The following COL25A1 variants were observed in gnomAD, a reference collection of about 807,000 sequenced individuals.
COL25A1 encodes collagen alpha-1(XXV) chain.
In COL25A1, 103 loss-of-function variants were observed where a neutral mutation model predicts 128.4. That is an observed-to-expected ratio of 0.80 (90% CI 0.68 to 0.94). The LOEUF is 0.94. Ranked by LOEUF, COL25A1 falls within the 40% of genes least tolerant of loss-of-function variation. The pLI is 0.00. For synonymous variants in COL25A1, 279 were observed against 277.2 expected, an observed-to-expected ratio of 1.01 and a Z score of -0.06; for missense variants, 745 against 840.0, an observed-to-expected ratio of 0.89 and a Z score of 1.40.
chr4:109,010,325 T>A (rs1470945225), intron 6 of COL25A1, 33 bp downstream of exon 6: 1 of 1,547,484 alleles, frequency 6.5e-7, no homozygotes, highest in Non-Finnish European at 8.8e-7. Flanking sequence ...AATCCTAAAT[T>A]GAAAATAATT....
At chr4:108,823,795 G>A in intron 35 of COL25A1, 2 of 575,772 alleles carry the variant, frequency 3.5e-6, no homozygotes, top group Non-Finnish European at 5.0e-6. Flanking sequence ...AGACAAGTGA[G>A]ATGCTGCCTT....
At chr4:109,286,556 T>C (rs2126280347) in intron 3 of COL25A1, among the ~76,000 whole-genome samples, 1 of 152,232 alleles carries the variant, frequency 6.6e-6, no homozygotes, top group East Asian at 1.9e-4. Context: ...TGGGAATAAG[T>C]AAAGAATGAT....
intron 13 of COL25A1, among the ~76,000 whole-genome samples, chr4:108,908,234 C>T (rs577576612): frequency 1.5e-4 from 23 of 152,298 alleles, no homozygotes; most frequent in African/African-American, 5.5e-4. Flanking sequence ...TTCCTCTCTG[C>T]AGGCATTTTG....
intron 3 of COL25A1, among the ~76,000 whole-genome samples, chr4:109,056,350 A>C (rs1034800237): frequency 6.6e-6 from 1 of 152,198 alleles, no homozygotes; most frequent in African/African-American, 2.4e-5. Flanking sequence ...TAATCAGAGC[A>C]ACATAATTTT....
chr4:108,897,720 CAA>C (rs1254151290), intron 15 of COL25A1, among the ~76,000 whole-genome samples: 2 of 152,154 alleles, frequency 1.3e-5, no homozygotes, highest in African/African-American at 2.4e-5. Context: ...TTCTATTACT[CAA>C]AAAGTTTCTT....
At position 108,990,597 on chromosome 4, in the gene COL25A1, G is replaced by A. The variant is rs560667580; in HGVS notation, c.439-16038C>T. ...CTTTGAGGTTATTATTATATTAAGT[G>A]TTTATCCAGCAAGTAAAGTACCACC... is the stretch of plus-strand genomic sequence containing the variant. On this transcript the variant is annotated intron_variant, in intron 6 of 37. Transcript: ENST00000399132. Among the ~76,000 whole-genome samples, 24 of 152,046 alleles carry A rather than the reference G, an allele frequency of 1.6e-4. No individual in the cohort carries two copies. In the South Asian group the frequency reaches 5.0e-3, roughly 32 times the overall value.
chr4:109,066,626 T>C (rs1762475957), intron 3 of COL25A1, among the ~76,000 whole-genome samples: 1 of 152,212 alleles, frequency 6.6e-6, no homozygotes, highest in African/African-American at 2.4e-5. Context: ...GGTGAACCTA[T>C]GGATGAACGA....
At chr4:109,019,751 C>G (rs3096501) in intron 5 of COL25A1, among the ~76,000 whole-genome samples, 1 of 151,620 alleles carries the variant, frequency 6.6e-6, no homozygotes, top group Non-Finnish European at 1.5e-5. Context: ...GGTGGGGATA[C>G]AGAGCCAAAC....
intron 14 of COL25A1, among the ~76,000 whole-genome samples, chr4:108,899,430 A>T (rs933943191): frequency 4.6e-5 from 7 of 152,144 alleles, no homozygotes; most frequent in African/African-American, 1.7e-4. Flanking sequence ...GTTTTTGAAG[A>T]TTATCATCCA....
intron 6 of COL25A1, among the ~76,000 whole-genome samples, chr4:108,975,727 T>C (rs1279829014): frequency 6.6e-6 from 1 of 152,184 alleles, no homozygotes; most frequent in Non-Finnish European, 1.5e-5. Flanking sequence ...TAATTTCACA[T>C]CATGTTTTAG....
chr4:109,037,820 A>G (rs982509957), intron 5 of COL25A1, among the ~76,000 whole-genome samples: 1 of 152,194 alleles, frequency 6.6e-6, no homozygotes, highest in Non-Finnish European at 1.5e-5. Context: ...CATAGCATCA[A>G]ATGACCTATG....
intron 6 of COL25A1, among the ~76,000 whole-genome samples, chr4:108,978,699 T>C (rs183264033): frequency 1.2e-3 from 187 of 152,332 alleles, no homozygotes; most frequent in Non-Finnish European, 1.2e-4. Context: ...AGTAGACATA[T>C]TTATTGTTCA....
At chr4:109,183,678 C>T (rs1774875933) in intron 3 of COL25A1, among the ~76,000 whole-genome samples, 1 of 151,828 alleles carries the variant, frequency 6.6e-6, no homozygotes, top group Admixed American at 6.6e-5. Flanking sequence ...AAAATGCTAC[C>T]AACTATAAAG....
At chr4:109,085,954 C>T (rs997478644) in intron 3 of COL25A1, among the ~76,000 whole-genome samples, 2 of 152,154 alleles carry the variant, frequency 1.3e-5, no homozygotes, top group African/African-American at 4.8e-5. Context: ...CCAAAGAGTA[C>T]AACCAGCCAA....
At chr4:109,025,546 A>C (rs1758180902) in intron 5 of COL25A1, among the ~76,000 whole-genome samples, 1 of 152,224 alleles carries the variant, frequency 6.6e-6, no homozygotes, top group South Asian at 2.1e-4. Context: ...TTTCACATTA[A>C]TAAATGCATG....
chr4:108,977,758 C>A (rs3863124), intron 6 of COL25A1, among the ~76,000 whole-genome samples: 19,542 of 152,208 alleles, frequency 0.13, 1,944 homozygotes, highest in East Asian at 0.4. Flanking sequence ...AGCTAAATAG[C>A]CTAGTGTCTA....
chr4:108,847,975 G>A (rs1045965843), intron 27 of COL25A1, among the ~76,000 whole-genome samples: 1 of 152,110 alleles, frequency 6.6e-6, no homozygotes. Flanking sequence ...TAAAGATCTT[G>A]AAATTAACCC....
chr4:108,874,882 T>C (rs1274140727), intron 19 of COL25A1, among the ~76,000 whole-genome samples: 13 of 152,210 alleles, frequency 8.5e-5, no homozygotes, highest in Non-Finnish European at 5.9e-5. Flanking sequence ...ATCCGTTTTT[T>C]TTCCCCTCAG....
intron 3 of COL25A1, among the ~76,000 whole-genome samples, chr4:109,188,650 T>A (rs957042070): frequency 6.6e-6 from 1 of 152,126 alleles, no homozygotes; most frequent in Non-Finnish European, 1.5e-5. Flanking sequence ...CTGGCAATCA[T>A]CATCTATAGA....
Sources: allele counts gnomAD v4.1 joint callset (sites outside exome capture counted in the v4.1 genomes callset), GRCh38; gene constraint gnomAD v4.1.1; transcripts MANE v1.5; gene names NCBI Gene and HGNC (gene_info 2026-07-23, HGNC 2026-07-21).